The following SLCO6A1 variants were observed in gnomAD, a reference collection of about 807,000 sequenced individuals.
The protein encoded by SLCO6A1 is cancer/testis antigen 48.
A neutral mutation model predicts 72.7 loss-of-function variants in SLCO6A1; 65 were observed. The observed-to-expected ratio is 0.89, with a 90% CI of 0.73 to 1.10. The LOEUF is 1.10. SLCO6A1 is among the 50% of genes least tolerant of loss of function. The pLI is 0.00. For missense variants in SLCO6A1, 874 were observed against 872.6 expected, an observed-to-expected ratio of 1.00 and a Z score of -0.02; for synonymous variants, 314 against 298.2, an observed-to-expected ratio of 1.05 and a Z score of -0.55.
chr5:102,402,137 C>G (rs979471575), intron 9 of SLCO6A1, among the ~76,000 whole-genome samples: 9 of 151,904 alleles, frequency 5.9e-5, no homozygotes, highest in Non-Finnish European at 1.2e-4. Context: ...AAATTGAGAT[C>G]ATGGAAGGAG....
intron 4 of SLCO6A1, among the ~76,000 whole-genome samples, chr5:102,474,584 G>T (rs1422281045): frequency 1.3e-5 from 2 of 151,876 alleles, no homozygotes; most frequent in African/African-American, 4.8e-5. Flanking sequence ...GCACTACATA[G>T]AACTTAAAAA....
intron 1 of SLCO6A1, among the ~76,000 whole-genome samples, chr5:102,496,946 A>G (rs775632861): frequency 6.6e-5 from 10 of 152,246 alleles, no homozygotes; most frequent in Non-Finnish European, 1.2e-4. Flanking sequence ...ATAAAGGCAT[A>G]GTTCAAATGC....
chr5:102,455,168 A>G (rs2112740835), intron 6 of SLCO6A1, among the ~76,000 whole-genome samples: 1 of 151,896 alleles, frequency 6.6e-6, no homozygotes, highest in African/African-American at 2.4e-5. Context: ...ATAGATTAGC[A>G]TCTACCAAAA....
chr5:102,392,793 C>T (rs1045935932), intron 10 of SLCO6A1, among the ~76,000 whole-genome samples: 1 of 151,870 alleles, frequency 6.6e-6, no homozygotes, highest in African/African-American at 2.4e-5. Context: ...ACTCTCCCAA[C>T]ATGTAAAAGG....
At chr5:102,490,908 C>T (rs188437911) in intron 1 of SLCO6A1, among the ~76,000 whole-genome samples, 4,031 of 152,146 alleles carry the variant, frequency 0.026, 73 homozygotes, top group Middle Eastern at 0.044. Context: ...AGTGTGGAAG[C>T]GGACTCAGGG....
At chr5:102,442,689 C>G (rs1349394903) in intron 6 of SLCO6A1, among the ~76,000 whole-genome samples, 2 of 152,198 alleles carry the variant, frequency 1.3e-5, no homozygotes, top group African/African-American at 4.8e-5. Context: ...TCCACTGATG[C>G]AATTTATCAT....
Position 102,480,196 on chromosome 5 carries a change from T to G in SLCO6A1, c.597A>C (p.Gln199His), listed in dbSNP as rs752586301. The G allele has an allele frequency of 3.7e-6, 6 of 1,608,996 alleles. No homozygotes were observed. The East Asian group carries it at 1.3e-4, about 36-fold the overall frequency. ...CCTTACCTTCAATTCCTACCTTACT[T>G]TGTTTATTTTCTTCATTAATGGATG... ...AFPSINEENK[Q>H]SKVGIEDICE... The change falls in exon 2 of 14, where the codon CAA becomes CAC. Residue 199 changes from glutamine (Q) to histidine (H), a missense_variant. Physicochemically the swap from Gln to His is conservative, Grantham distance 24 (BLOSUM62 0). Coordinates refer to ENST00000506729, the MANE Select transcript of SLCO6A1 (RefSeq NM_173488.5).
chr5:102,438,714 A>C lies in SLCO6A1; in HGVS notation c.1179T>G (p.Ala393=). Residue 393 remains alanine (A), a synonymous_variant, in exon 7 of 14, where the codon GCT becomes GCG. Transcript: ENST00000506729. ...PVLICLALSK[A]TEYLVIIGAS... ...CTCCAATAATAACTAAATATTCTGT[A>C]GCTTTTGACAGAGCTAGGCATATGA... 6.3e-7 allele frequency: 1 copy of C among 1,592,948 alleles called. No individual in the cohort carries two copies. Among genetic ancestry groups the C allele is most frequent in the East Asian group, 2.3e-5 (1 of 43,904 alleles).
intron 4 of SLCO6A1, among the ~76,000 whole-genome samples, chr5:102,463,106 A>T (rs1391212442): frequency 6.6e-6 from 1 of 151,114 alleles, no homozygotes; most frequent in Non-Finnish European, 1.5e-5. Flanking sequence ...AAAGTGGGCA[A>T]AGAACATCAA....
chr5:102,422,049 A>G (rs763966607), intron 7 of SLCO6A1, among the ~76,000 whole-genome samples: 2 of 152,222 alleles, frequency 1.3e-5, no homozygotes, highest in Non-Finnish European at 2.9e-5. Flanking sequence ...TAGAAGAAAA[A>G]CTAACAAACA....
In SLCO6A1 at chr5:102,476,896, C is replaced by T. The variant is rs112065714; in HGVS notation, c.802+780G>A. On this transcript the variant is annotated intron_variant, in intron 3 of 13. Coordinates refer to ENST00000506729, the MANE Select transcript of SLCO6A1 (RefSeq NM_173488.5). ...TTTCAAAAGTGATAGTTAGATAACC[C>T]TGTACAAATAGATGATCTACCAGTA... Among the ~76,000 whole-genome samples, 316 of 152,060 alleles carry T rather than the reference C, an allele frequency of 2.1e-3. 3 individuals carry two copies. The highest frequency in any genetic ancestry group is 7.2e-3 in the African/African-American group (300 of 41,500).
At chr5:102,384,788 G>T (rs1162213288) in intron 12 of SLCO6A1, among the ~76,000 whole-genome samples, 1 of 151,974 alleles carries the variant, frequency 6.6e-6, no homozygotes, top group African/African-American at 2.4e-5. Context: ...ATTTGACCAC[G>T]TATTTACTTT....
rs1205655007 is a variant in SLCO6A1, at chr5:102,445,515, T to G, written c.1132-6754A>C. On this transcript the variant is annotated intron_variant, in intron 6 of 13. Coordinates refer to ENST00000506729, the MANE Select transcript of SLCO6A1 (RefSeq NM_173488.5). Reference sequence around the variant, plus strand: ...ATAGTTTGCAAATATTTTCTCCTATTCTGTAGGTTGTCTGTGTACTCTGTT... The same window carrying G: ...ATAGTTTGCAAATATTTTCTCCTATGCTGTAGGTTGTCTGTGTACTCTGTT... Among the ~76,000 whole-genome samples, 3 of 152,330 alleles carry G rather than the reference T, an allele frequency of 2.0e-5. No individual in the cohort carries two copies. In the East Asian group the frequency reaches 5.8e-4, roughly 29 times the overall value.
intron 7 of SLCO6A1, among the ~76,000 whole-genome samples, chr5:102,421,138 C>T (rs1013323628): frequency 1.3e-5 from 2 of 152,120 alleles, no homozygotes; most frequent in Non-Finnish European, 2.9e-5. Flanking sequence ...AAGGAGATTC[C>T]CTCGGGTGCC....
At chr5:102,409,378 C>T (rs1365819114) in intron 9 of SLCO6A1, among the ~76,000 whole-genome samples, 1 of 152,040 alleles carries the variant, frequency 6.6e-6, no homozygotes, top group Non-Finnish European at 1.5e-5. Context: ...TCATACTTGA[C>T]ATATTTTCAT....
chr5:102,426,576 C>T (rs755298666), intron 7 of SLCO6A1, among the ~76,000 whole-genome samples: 4 of 152,186 alleles, frequency 2.6e-5, no homozygotes, highest in Non-Finnish European at 4.4e-5. Flanking sequence ...GAGATACCAT[C>T]TCATGCCAGT....
chr5:102,426,393 A>G (rs940144768), intron 7 of SLCO6A1, among the ~76,000 whole-genome samples: 2 of 152,194 alleles, frequency 1.3e-5, no homozygotes, highest in African/African-American at 4.8e-5. Flanking sequence ...AATATCCAGA[A>G]TCTACAAGGA....
intron 6 of SLCO6A1, among the ~76,000 whole-genome samples, chr5:102,449,057 G>A (rs943666168): frequency 4.6e-5 from 7 of 152,092 alleles, no homozygotes; most frequent in Admixed American, 1.3e-4. Flanking sequence ...AGGCAGGCTC[G>A]GTGGTAACAA....
intron 12 of SLCO6A1, 106 bp from the exon 13 acceptor site, chr5:102,373,600 G>A: frequency 2.7e-6 from 2 of 729,868 alleles, no homozygotes; most frequent in African/African-American, 1.8e-5. Flanking sequence ...CACCTATAAA[G>A]GTATAAATTT....
Sources: gnomAD v4.1 joint callset for allele counts (sites outside exome capture counted in the v4.1 genomes callset) on GRCh38, gnomAD v4.1.1 for gene constraint, MANE v1.5 for transcripts, NCBI Gene and HGNC (gene_info 2026-07-23, HGNC 2026-07-21) for gene names.